The following PNLIPRP1 variants were observed in gnomAD, a reference collection of about 807,000 sequenced individuals.
PNLIPRP1 encodes the protein inactive pancreatic lipase-related protein 1.
A neutral mutation model predicts 54.6 loss-of-function variants in PNLIPRP1; 57 were observed. That is an observed-to-expected ratio of 1.04 (90% CI 0.84 to 1.30). PNLIPRP1 has a LOEUF of 1.30. PNLIPRP1 is among the 50% of genes most tolerant of loss of function. PNLIPRP1 has a pLI of 0.00. For missense variants in PNLIPRP1, 567 were observed against 568.5 expected, an observed-to-expected ratio of 1.00 and a Z score of 0.03; for synonymous variants, 232 against 208.8, an observed-to-expected ratio of 1.11 and a Z score of -0.96.
chr10:116,591,761 TTC>T lies in PNLIPRP1; in HGVS notation c.50-6_50-5del. ...GCAAATCCTTGAGCAGATTCAACCT[TTC>T]TCTGTAGGAAAAGAAGTTTGCTATG... On this transcript the variant is annotated splice_polypyrimidine_tract_variant and splice_region_variant and intron_variant, in intron 2 of 12. Coordinates refer to ENST00000358834, the MANE Select transcript of PNLIPRP1 (RefSeq NM_006229.4). 1 of 1,613,982 alleles carries T rather than the reference TTC, an allele frequency of 6.2e-7. No individual in the cohort carries two copies. Among genetic ancestry groups the T allele is most frequent in the Non-Finnish European group, 8.5e-7 (1 of 1,179,948 alleles).
chr10:116,591,964 C>G lies in PNLIPRP1; in HGVS notation c.204+39C>G, dbSNP rs201304236. ...CATTTAAATGTCACTGTAACTGGCA[C>G]GGGGCTATGCCCACCCTGCAGACCA... On this transcript the variant is annotated intron_variant, in intron 3 of 12. Coordinates refer to ENST00000358834, the MANE Select transcript of PNLIPRP1 (RefSeq NM_006229.4). 1.6e-5 allele frequency: 25 copies of G among 1,607,388 alleles called. No individual in the cohort carries two copies. In the African/African-American group the frequency reaches 3.2e-4, roughly 21 times the overall value.
In PNLIPRP1 at chr10:116,597,843, A is replaced by C. The variant is rs782484955; in HGVS notation, c.590A>C (p.Glu197Ala). 3 of 1,614,162 alleles carry C rather than the reference A, an allele frequency of 1.9e-6. No individual in the cohort carries two copies. The South Asian group carries it at 3.3e-5, about 18-fold the overall frequency. ...LSRITGLDPV[E>A]ASFESTPEEV... ...TCTCTTTTAGGGTTGGATCCTGTAGAAGCAAGTTTCGAGAGTACTCCTGAA... is the reference window on the plus strand; with the variant it reads ...TCTCTTTTAGGGTTGGATCCTGTAGCAGCAAGTTTCGAGAGTACTCCTGAA... The change falls in exon 7 of 13, where the codon GAA (glutamate) becomes GCA (alanine). Residue 197 changes from glutamate to alanine, a missense_variant. Transcript: ENST00000358834.
At chr10:116,602,200 T>C (rs1232912743) in intron 10 of PNLIPRP1, among the ~76,000 whole-genome samples, 2 of 152,082 alleles carry the variant, frequency 1.3e-5, no homozygotes, top group Non-Finnish European at 2.9e-5. Flanking sequence ...TTTACATTTT[T>C]AGTAGAGACG....
chr10:116,608,681 C>T (rs1445214568), intron 12 of PNLIPRP1, among the ~76,000 whole-genome samples: 2 of 152,228 alleles, frequency 1.3e-5, no homozygotes, highest in East Asian at 1.9e-4. Flanking sequence ...GCGTGTTGGC[C>T]GCTGTCCCCT....
chr10:116,593,519 A>T (rs782526057), intron 4 of PNLIPRP1, among the ~76,000 whole-genome samples: 1 of 152,254 alleles, frequency 6.6e-6, no homozygotes, highest in African/African-American at 2.4e-5. Context: ...CCAGAAAATT[A>T]AAGTCATTCT....
chr10:116,596,311 GCAGGATTA>G lies in PNLIPRP1; in HGVS notation c.568_574+1del. The G allele has an allele frequency of 2.5e-6, 4 of 1,608,808 alleles. No individual in the cohort carries two copies. The highest frequency in any genetic ancestry group is 3.4e-6 in the Non-Finnish European group (4 of 1,175,300). ...GCAGGAAGCAAGACTCCAGGCCTGAGCAGGATTACAGGTAAGGCCCCAGAGGCAGGGCC... is the reference window on the plus strand; with the variant it reads ...GCAGGAAGCAAGACTCCAGGCCTGAGCAGGTAAGGCCCCAGAGGCAGGGCC... On this transcript the variant is annotated frameshift_variant, in exon 6 of 13. Transcript: ENST00000358834. LOFTEE classifies it high-confidence loss of function.
intron 9 of PNLIPRP1, 54 bp downstream of exon 9, chr10:116,600,219 G>A (rs1395289985): frequency 3.6e-6 from 4 of 1,125,114 alleles, no homozygotes; most frequent in Non-Finnish European, 5.4e-6. Flanking sequence ...AGGGACTGCT[G>A]TCCTGCTGCG....
In PNLIPRP1 at chr10:116,600,035, T is replaced by C; in HGVS notation, c.815-12T>C. 1 of 1,588,754 alleles carries C rather than the reference T, an allele frequency of 6.3e-7. No individual in the cohort carries two copies. The highest frequency in any genetic ancestry group is 8.6e-7 in the Non-Finnish European group (1 of 1,156,920). On this transcript the variant is annotated splice_polypyrimidine_tract_variant and intron_variant, in intron 8 of 12. Transcript: ENST00000358834. ...CAACCACCTGTTCAGGTCTCCTTAT[T>C]TGTTTTCCCAGGAACCCGGGACTTT...
chr10:116,598,311 G>A, intron 8 of PNLIPRP1, 145 bp downstream of exon 8: 1 of 839,806 alleles, frequency 1.2e-6, no homozygotes, highest in East Asian at 2.7e-5. Flanking sequence ...CAGAAAAAAT[G>A]TAGCTACATA....
chr10:116,605,517 C>G lies in PNLIPRP1; in HGVS notation c.1304C>G (p.Thr435Ser). The change falls in exon 12 of 13, where the codon ACC becomes AGC. Residue 435 changes from threonine (T) to serine (S), a missense_variant. By Grantham distance (58) the Thr-to-Ser change is moderately conservative. Coordinates refer to ENST00000358834, the MANE Select transcript of PNLIPRP1 (RefSeq NM_006229.4). Reference protein sequence around the residue: ...INPTLPKVGATKITVQKGEEK... With the variant: ...INPTLPKVGASKITVQKGEEK... ...CCAACCCTCCCCAAAGTGGGTGCCA[C>G]CAAGATCACTGTGCAAAAGGGAGAA... The G allele has an allele frequency of 8.7e-6, 14 of 1,609,290 alleles. No individual in the cohort carries two copies. The highest frequency in any genetic ancestry group is 1.2e-5 in the Non-Finnish European group (14 of 1,176,856).
intron 12 of PNLIPRP1, among the ~76,000 whole-genome samples, chr10:116,606,997 G>C (rs1847945959): frequency 6.9e-6 from 1 of 144,392 alleles, no homozygotes; most frequent in Non-Finnish European, 1.5e-5. Flanking sequence ...ACATTTTCCT[G>C]TTATGAAAAT....
chr10:116,594,820 C>A lies in PNLIPRP1; in HGVS notation c.421C>A (p.Arg141=). 6.2e-7 allele frequency: 1 copy of A among 1,614,126 alleles called. No individual in the cohort carries two copies. Among genetic ancestry groups the A allele is most frequent in the Non-Finnish European group, 8.5e-7 (1 of 1,180,042 alleles). The change falls in exon 5 of 13, where the codon CGA becomes AGA. Residue 141 remains arginine, a synonymous_variant. Transcript: ENST00000358834. ...ATYTQAANNV[R]VVGAQVAQML... ...CTACACACAGGCTGCCAACAACGTG[C>A]GAGTGGTGGGCGCCCAGGTGGCCCA...
intron 10 of PNLIPRP1, among the ~76,000 whole-genome samples, chr10:116,601,729 C>T (rs142945949): frequency 3.7e-4 from 57 of 152,248 alleles, no homozygotes; most frequent in African/African-American, 1.0e-3. Flanking sequence ...GCTGAATGGA[C>T]TAAGACACAG....
At chr10:116,591,619 G>A (rs1354223065) in intron 2 of PNLIPRP1, 152 bp from the exon 3 acceptor site, 5 of 749,658 alleles carry the variant, frequency 6.7e-6, no homozygotes, top group African/African-American at 3.5e-5. Flanking sequence ...GTGGGCACTG[G>A]GGTCAAGAAG....
At chr10:116,602,501 C>A (rs553290239) in intron 10 of PNLIPRP1, among the ~76,000 whole-genome samples, 22 of 152,158 alleles carry the variant, frequency 1.4e-4, no homozygotes, top group Admixed American at 1.3e-3. Flanking sequence ...GATGCAGGGA[C>A]GAACAAGAGA....
chr10:116,599,072 T>C (rs186495139), intron 8 of PNLIPRP1, among the ~76,000 whole-genome samples: 1 of 151,952 alleles, frequency 6.6e-6, no homozygotes, highest in African/African-American at 2.4e-5. Context: ...TTGGCCAACA[T>C]GGTAAAACCC....
intron 12 of PNLIPRP1, among the ~76,000 whole-genome samples, chr10:116,608,786 C>G (rs67322546): frequency 4.6e-5 from 7 of 152,210 alleles, no homozygotes; most frequent in Non-Finnish European, 8.8e-5. Context: ...AGGTGAGAGT[C>G]CCTGCCTTCG....
rs572593829 is a variant in PNLIPRP1 at position 116,598,129 on chromosome 10, CCT to C, written c.778_779del (p.Leu260ValfsTer50). 22 of 1,613,908 alleles carry C rather than the reference CCT, an allele frequency of 1.4e-5. No individual in the cohort carries two copies. Among genetic ancestry groups the C allele is most frequent in the Non-Finnish European group, 1.7e-5 (20 of 1,179,990 alleles). ...ESMPGCKKNA[L>X]SQIVDLDGIW... Reference sequence around the variant, plus strand: ...GCATGCCGGGATGCAAGAAGAATGCCCTGTCTCAGATCGTGGATCTAGATGGC... The same window carrying C: ...GCATGCCGGGATGCAAGAAGAATGCCGTCTCAGATCGTGGATCTAGATGGC... On this transcript the variant is annotated frameshift_variant, in exon 8 of 13. Transcript: ENST00000358834. LOFTEE classifies it high-confidence loss of function.
At chr10:116,597,712 C>G (rs1236473910) in intron 6 of PNLIPRP1, 116 bp from the exon 7 acceptor site, 1 of 1,174,002 alleles carries the variant, frequency 8.5e-7, no homozygotes, top group Non-Finnish European at 1.2e-6. Flanking sequence ...CTGCATCACT[C>G]TGGTGCATGG....
Sources: allele counts gnomAD v4.1 joint callset (sites outside exome capture counted in the v4.1 genomes callset), GRCh38; gene constraint gnomAD v4.1.1; transcripts MANE v1.5; gene names NCBI Gene and HGNC (gene_info 2026-07-23, HGNC 2026-07-21).